Variants in KCNQ1 observed in about 807,000 individuals in gnomAD.
KCNQ1 encodes the protein potassium voltage-gated channel subfamily KQT member 1.
A neutral mutation model predicts 72.4 loss-of-function variants in KCNQ1; 49 were observed. The ratio of observed to expected loss-of-function variants is 0.68; its 90% CI spans 0.54 to 0.86. The LOEUF (loss-of-function observed/expected upper bound fraction) is 0.86, where lower values mean the gene tolerates loss of function less well. Among genes scored for constraint, KCNQ1 ranks in the 40% least tolerant of loss-of-function variants. The pLI, the probability that KCNQ1 is intolerant of heterozygous loss-of-function variation, is 0.00. For missense variants in KCNQ1, 790 were observed against 945.1 expected, an observed-to-expected ratio of 0.84 and a Z score of 2.15; for synonymous variants, 450 against 412.6, an observed-to-expected ratio of 1.09 and a Z score of -1.10.
At chr11:2,572,698 T>C in intron 5 of KCNQ1, 148 bp from the exon 6 acceptor site, 1 of 989,926 alleles carries the variant, frequency 1.0e-6, no homozygotes, top group Non-Finnish European at 1.5e-6. Flanking sequence ...AGGAGTGGGC[T>C]ATATTGAAGC....
rs1847823807 is a variant in KCNQ1 at position 2,541,555 on chromosome 11, C to A, written c.477+13537C>A. Reference sequence around the variant, plus strand: ...CTGGACCTGGCGGTGGCTATGAAAGCCTGGGATTGAGGACAAAGCCATGGG... The same window carrying A: ...CTGGACCTGGCGGTGGCTATGAAAGACTGGGATTGAGGACAAAGCCATGGG... On this transcript the variant is annotated intron_variant, in intron 2 of 15. Transcript: ENST00000155840. This position sits in a 1 kb window ranked among gnomAD's most constrained non-coding sequence, Gnocchi z 4.8. Among the ~76,000 whole-genome samples, 1 of 151,986 alleles carries A rather than the reference C, an allele frequency of 6.6e-6. No homozygotes were observed. Among genetic ancestry groups the A allele is most frequent in the African/African-American group, 2.4e-5 (1 of 41,392 alleles).
chr11:2,779,140 G>A (rs1167480097), intron 15 of KCNQ1, among the ~76,000 whole-genome samples: 1 of 152,218 alleles, frequency 6.6e-6, no homozygotes, highest in Non-Finnish European at 1.5e-5. Flanking sequence ...AGCAGGGCTG[G>A]TGCAGACCTT....
At position 2,762,366 on chromosome 11, in the gene KCNQ1, T is replaced by C. The variant is rs1196052057; in HGVS notation, c.1515-6478T>C. The stretch of plus-strand genomic sequence containing the variant: ...TCATAGTTAGGCCTGTGACTCTCCC[T>C]GGGTTAACTTTGTGACCGGTGTGTG... On this transcript the variant is annotated intron_variant, in intron 11 of 15. Coordinates refer to ENST00000155840, the MANE Select transcript of KCNQ1 (RefSeq NM_000218.3). This position sits in a 1 kb window ranked among gnomAD's most constrained non-coding sequence, Gnocchi z 4.3. Among the ~76,000 whole-genome samples the C allele has an allele frequency of 1.3e-5, 2 of 152,222 alleles. No homozygotes were observed. The highest frequency in any genetic ancestry group is 4.8e-5 in the African/African-American group (2 of 41,454).
Position 2,679,393 on chromosome 11 carries a change from G to T in KCNQ1, c.1514+17312G>T, listed in dbSNP as rs1850348671. 1 of 398,460 alleles carries T rather than the reference G, an allele frequency of 2.5e-6. No homozygotes were observed. Among genetic ancestry groups the T allele is most frequent in the Non-Finnish European group, 4.4e-6 (1 of 226,064 alleles). 24.7% of individuals were successfully genotyped at this position (398,460 alleles called of 1,614,324 possible). ...TCACTTAGTCTCAGTTTCTTTATTT[G>T]TAAAATGGGAATCATAAGAGTACCT... On this transcript the variant is annotated intron_variant, in intron 11 of 15. Coordinates refer to ENST00000155840, the MANE Select transcript of KCNQ1 (RefSeq NM_000218.3). This position sits in a 1 kb window ranked among gnomAD's most constrained non-coding sequence, Gnocchi z 4.8.
rs1489490794 is a variant in KCNQ1, at chr11:2,647,540, C to G, written c.1394-14421C>G. ...AGAATGAGTTAGGGAGAATTCCTTT[C>G]TCTTCAGTCTTTTGGAATTGTCTGA... On this transcript the variant is annotated intron_variant, in intron 10 of 15. Coordinates refer to ENST00000155840, the MANE Select transcript of KCNQ1 (RefSeq NM_000218.3). The surrounding 1 kb of genome is among the most constrained non-coding windows in gnomAD (Gnocchi z 4.0). 1 of 398,408 alleles carries G rather than the reference C, an allele frequency of 2.5e-6. No homozygotes were observed. Among genetic ancestry groups the G allele is most frequent in the African/African-American group, 2.1e-5 (1 of 48,620 alleles). The allele number at this position is 398,408 out of a possible 1,614,324, so 24.7% of individuals were successfully genotyped here. A position where few individuals can be genotyped will look rare whatever the true frequency, so the allele number is the denominator to read the frequency against.
In KCNQ1 at chr11:2,658,735, G is replaced by C. The variant is rs919409621; in HGVS notation, c.1394-3226G>C. The C allele has an allele frequency of 2.5e-6, 1 of 398,454 alleles. No individual in the cohort carries two copies. Among genetic ancestry groups the C allele is most frequent in the Non-Finnish European group, 4.4e-6 (1 of 226,030 alleles). The allele number at this position is 398,454 out of a possible 1,614,324, so 24.7% of individuals were successfully genotyped here. A position where few individuals can be genotyped will look rare whatever the true frequency, so the allele number is the denominator to read the frequency against. ...AGTACACATACATCTTTACATATCT[G>C]TATCTATATAAAGCTAACCATGAGT... On this transcript the variant is annotated intron_variant, in intron 10 of 15. Transcript: ENST00000155840. This position sits in a 1 kb window ranked among gnomAD's most constrained non-coding sequence, Gnocchi z 4.9.
rs190575859 is a variant in KCNQ1, at chr11:2,769,505, T to A, written c.1590+586T>A. 6.6e-6 allele frequency among the ~76,000 whole-genome samples: 1 copy of A among 152,058 alleles called. No homozygotes were observed. The highest frequency in any genetic ancestry group is 1.5e-5 in the Non-Finnish European group (1 of 67,978). On this transcript the variant is annotated intron_variant, in intron 12 of 15. Coordinates refer to ENST00000155840, the MANE Select transcript of KCNQ1 (RefSeq NM_000218.3). This position sits in a 1 kb window ranked among gnomAD's most constrained non-coding sequence, Gnocchi z 4.6. ...CTGCCCTAACTTCTCCAGGGGCATG[T>A]CCCCCCTACAGAAGCCCCTTAGAGC...
rs147036700 is a variant in KCNQ1, at chr11:2,752,223, T to C, written c.1515-16621T>C. ...ACTGAGTTGAGGTGACTGGGTTGAT[T>C]TTAGCTTCACAGGTGATCTGAACCC... On this transcript the variant is annotated intron_variant, in intron 11 of 15. Transcript: ENST00000155840. The surrounding 1 kb of genome is among the most constrained non-coding windows in gnomAD (Gnocchi z 5.2). 6.6e-6 allele frequency among the ~76,000 whole-genome samples: 1 copy of C among 152,118 alleles called. No individual in the cohort carries two copies. The highest frequency in any genetic ancestry group is 1.5e-5 in the Non-Finnish European group (1 of 68,030).
At chr11:2,638,319 T>G (rs1849513081) in intron 10 of KCNQ1, 1 of 152,258 alleles carries the variant, frequency 6.6e-6, no homozygotes. Context: ...GTACCAATTG[T>G]TCCTTTCCAT....
At chr11:2,480,200 C>A (rs187392135) in intron 1 of KCNQ1, among the ~76,000 whole-genome samples, 2 of 152,310 alleles carry the variant, frequency 1.3e-5, no homozygotes, top group East Asian at 3.9e-4. Context: ...CTGCCTCTTA[C>A]CCAGTTCCAA....
At position 2,653,273 on chromosome 11, in the gene KCNQ1, A is replaced by G. The variant is rs995440397; in HGVS notation, c.1394-8688A>G. ...CTTCTCCCTGCCCTCTGCCCTGAAAACTAGTGGGGGCAGTGCAGACCAGTT... is the reference window on the plus strand; with the variant it reads ...CTTCTCCCTGCCCTCTGCCCTGAAAGCTAGTGGGGGCAGTGCAGACCAGTT... On this transcript the variant is annotated intron_variant, in intron 10 of 15. Coordinates refer to ENST00000155840, the MANE Select transcript of KCNQ1 (RefSeq NM_000218.3). This position sits in a 1 kb window ranked among gnomAD's most constrained non-coding sequence, Gnocchi z 5.3. The G allele has an allele frequency of 6.8e-5, 27 of 398,566 alleles. No individual in the cohort carries two copies. The highest frequency in any genetic ancestry group is 2.2e-5 in the Non-Finnish European group (5 of 226,134). 24.7% of individuals were successfully genotyped at this position (398,566 alleles called of 1,614,324 possible).
At chr11:2,829,320 A>C (rs1847898083) in intron 15 of KCNQ1, among the ~76,000 whole-genome samples, 1 of 152,248 alleles carries the variant, frequency 6.6e-6, no homozygotes. Context: ...AGAAGAAAAA[A>C]AAAATGAAGG....
intron 11 of KCNQ1, among the ~76,000 whole-genome samples, chr11:2,731,858 G>A (rs569192041): frequency 7.9e-5 from 12 of 152,316 alleles, no homozygotes; most frequent in African/African-American, 2.2e-4. Flanking sequence ...CCACTGCAGC[G>A]GCTGCTCACA....
chr11:2,761,262 GGCCTGTCGGTGCCTGTTGGT>G (rs56813468), intron 11 of KCNQ1, among the ~76,000 whole-genome samples: 22,242 of 151,932 alleles, frequency 0.15, 1,715 homozygotes, highest in Middle Eastern at 0.21. Context: ...ATGGTCTGCC[GGCCTGTCGGTGCCTGTTGGT>G]GCCTGTCGGT....
At position 2,621,170 on chromosome 11, in the gene KCNQ1, G is replaced by A; in HGVS notation, c.1393+32316G>A. ...TTTTTGTGTTTTTAGTAGAGACGGG[G>A]TTTCACCATGTTGGCCAGGATGGTC... On this transcript the variant is annotated intron_variant, in intron 10 of 15. Transcript: ENST00000155840. The surrounding 1 kb of genome is among the most constrained non-coding windows in gnomAD (Gnocchi z 5.7). 2.5e-6 allele frequency: 1 copy of A among 397,398 alleles called. No individual in the cohort carries two copies. The highest frequency in any genetic ancestry group is 1.4e-4 in the South Asian group (1 of 7,014). The allele number at this position is 397,398 out of a possible 1,614,324, so 24.6% of individuals were successfully genotyped here.
At chr11:2,646,487 G>A in intron 10 of KCNQ1, 1 of 398,226 alleles carries the variant, frequency 2.5e-6, no homozygotes, top group East Asian at 3.6e-5. Context: ...TTTCTCTTTT[G>A]GCTAATTTGC....
Position 2,588,648 on chromosome 11 carries a change from G to A in KCNQ1, c.1252-65G>A. ...TCGGGGCGGCTGCACAGGCACTCTGGGGCCGGCGTAGGGCCTGGCAGACGA... is the reference window on the plus strand; with the variant it reads ...TCGGGGCGGCTGCACAGGCACTCTGAGGCCGGCGTAGGGCCTGGCAGACGA... On this transcript the variant is annotated intron_variant, in intron 9 of 15. Transcript: ENST00000155840. This position sits in a 1 kb window ranked among gnomAD's most constrained non-coding sequence, Gnocchi z 5.6. 1.2e-6 allele frequency: 2 copies of A among 1,600,424 alleles called. No individual in the cohort carries two copies. The highest frequency in any genetic ancestry group is 1.7e-6 in the Non-Finnish European group (2 of 1,173,052).
chr11:2,489,081 G>A (rs565593576), intron 1 of KCNQ1, among the ~76,000 whole-genome samples: 1 of 152,266 alleles, frequency 6.6e-6, no homozygotes, highest in African/African-American at 2.4e-5. Context: ...ACCTTCATAA[G>A]AACCAAAATT....
chr11:2,685,810 C>T (rs551773149), intron 11 of KCNQ1: 56 of 398,716 alleles, frequency 1.4e-4, no homozygotes, highest in African/African-American at 1.0e-3. Context: ...CCTGAGAATG[C>T]GATTCCTACT....
Sources: gnomAD v4.1 joint callset for allele counts (sites outside exome capture counted in the v4.1 genomes callset) on GRCh38, gnomAD v4.1.1 for gene constraint, Gnocchi (gnomAD v3.1) non-coding constraint, MANE v1.5 for transcripts, NCBI Gene and HGNC (gene_info 2026-07-23, HGNC 2026-07-21) for gene names.